The following MAGI2 variants were observed in gnomAD, a reference collection of about 807,000 sequenced individuals.
MAGI2 encodes membrane-associated guanylate kinase, WW and PDZ domain-containing protein 2.
Under a neutral mutation model 133.3 loss-of-function variants are expected in MAGI2, and 35 were observed. The ratio of observed to expected loss-of-function variants is 0.26; its 90% confidence interval spans 0.20 to 0.35. MAGI2 has a LOEUF of 0.35. MAGI2 is among the 10% of genes least tolerant of loss of function. The probability of loss-of-function intolerance (pLI) is 1.00; values close to 1 mark genes in which losing one functional copy is unlikely to be tolerated. For synonymous variants in MAGI2, 729 were observed against 710.6 expected (o/e 1.03, Z -0.41); for missense variants, 1,636 against 1,863.4 (o/e 0.88, Z 2.25).
intron 2 of MAGI2, among the ~76,000 whole-genome samples, chr7:78,768,360 T>A (rs1825236889): frequency 6.6e-6 from 1 of 152,238 alleles, no homozygotes; most frequent in Non-Finnish European, 1.5e-5. Flanking sequence ...GCACACCATG[T>A]ACCATAGTCA....
intron 2 of MAGI2, among the ~76,000 whole-genome samples, chr7:78,671,678 A>G (rs1471663878): frequency 6.6e-6 from 1 of 152,166 alleles, no homozygotes; most frequent in African/African-American, 2.4e-5. Context: ...TAAAGAAAGA[A>G]TTCTACAGGA....
intron 1 of MAGI2, among the ~76,000 whole-genome samples, chr7:79,406,197 G>A (rs978422721): frequency 6.6e-6 from 1 of 151,940 alleles, no homozygotes; most frequent in African/African-American, 2.4e-5. Flanking sequence ...TTTAAATAAA[G>A]ACAAAGTACA....
chr7:78,194,523 C>T (rs1381376654), intron 12 of MAGI2, among the ~76,000 whole-genome samples: 1 of 151,996 alleles, frequency 6.6e-6, no homozygotes, highest in Non-Finnish European at 1.5e-5. Flanking sequence ...GCTTTAGGCT[C>T]AAGATCAGAT....
Position 78,256,478 on chromosome 7 carries a change from C to T in MAGI2, c.1512G>A (p.Leu504=). ...GCAAAGGGTAGCCACGACACAACAC[C>T]AGGTTGACACTCTGACCAATAGGAA... The part of the protein sequence containing the change: ...QSVPIGQSVN[L]VLCRGYPLPF... The change falls in exon 10 of 22, where the codon CTG becomes CTA. Residue 504 remains leucine, a synonymous_variant. Transcript: ENST00000354212. 6.2e-7 allele frequency: 1 copy of T among 1,613,872 alleles called. No individual in the cohort carries two copies. Among genetic ancestry groups the T allele is most frequent in the Non-Finnish European group, 8.5e-7 (1 of 1,179,950 alleles).
chr7:79,273,007 T>C (rs1399060403), intron 1 of MAGI2, among the ~76,000 whole-genome samples: 2 of 152,112 alleles, frequency 1.3e-5, no homozygotes, highest in African/African-American at 4.8e-5. Flanking sequence ...AAAGTTCTTT[T>C]TCCAAATTTC....
At chr7:78,092,110 T>A (rs1817268238) in intron 20 of MAGI2, among the ~76,000 whole-genome samples, 1 of 152,238 alleles carries the variant, frequency 6.6e-6, no homozygotes, top group Non-Finnish European at 1.5e-5. Context: ...ACCAATGTCC[T>A]TGTGCCCAAT....
intron 21 of MAGI2, among the ~76,000 whole-genome samples, chr7:78,059,179 C>CAG (rs1812966275): frequency 6.6e-6 from 1 of 152,300 alleles, no homozygotes; most frequent in South Asian, 2.1e-4. Flanking sequence ...TTAACAACAG[C>CAG]AGAAGCCCAC....
At chr7:78,724,512 C>G (rs939881277) in intron 2 of MAGI2, among the ~76,000 whole-genome samples, 13 of 152,138 alleles carry the variant, frequency 8.5e-5, no homozygotes, top group African/African-American at 2.9e-4. Context: ...AGGGAGTTTA[C>G]AGAACCCAAC....
intron 1 of MAGI2, among the ~76,000 whole-genome samples, chr7:79,291,481 G>A (rs1232742320): frequency 6.6e-6 from 1 of 152,058 alleles, no homozygotes; most frequent in East Asian, 1.9e-4. Context: ...ATATTTTGAG[G>A]AAATGCTAAA....
intron 6 of MAGI2, among the ~76,000 whole-genome samples, chr7:78,375,241 A>T (rs1456406421): frequency 3.3e-5 from 5 of 152,098 alleles, no homozygotes; most frequent in Admixed American, 3.3e-4. Flanking sequence ...GCTCCCTAGA[A>T]AAACTGGGTA....
intron 2 of MAGI2, among the ~76,000 whole-genome samples, chr7:78,647,094 T>C (rs1408818483): frequency 2.0e-5 from 3 of 152,040 alleles, no homozygotes; most frequent in East Asian, 3.9e-4. Context: ...CATAAAAATA[T>C]TGTCATGCTA....
chr7:78,357,317 T>C (rs1792183643), intron 7 of MAGI2, among the ~76,000 whole-genome samples: 1 of 152,222 alleles, frequency 6.6e-6, no homozygotes, highest in South Asian at 2.1e-4. Context: ...ACAAAATGCC[T>C]AATACATACC....
intron 1 of MAGI2, among the ~76,000 whole-genome samples, chr7:79,104,110 A>G (rs1584937895): frequency 6.6e-6 from 1 of 152,344 alleles, no homozygotes; most frequent in African/African-American, 2.4e-5. Context: ...TTATAAGTGA[A>G]CAAAGGGATT....
At chr7:78,397,412 T>C (rs1002108684) in intron 6 of MAGI2, among the ~76,000 whole-genome samples, 47 of 150,090 alleles carry the variant, frequency 3.1e-4, no homozygotes, top group African/African-American at 8.6e-4. Flanking sequence ...TTGTCTTACA[T>C]TGCCCAAACC....
intron 16 of MAGI2, among the ~76,000 whole-genome samples, chr7:78,139,380 G>A (rs868379366): frequency 9.9e-5 from 15 of 152,138 alleles, no homozygotes; most frequent in Non-Finnish European, 1.5e-4. Context: ...CTCTGACAAG[G>A]GATGTGCTCA....
chr7:78,168,434 C>G (rs1355811024), intron 14 of MAGI2, among the ~76,000 whole-genome samples: 1 of 152,176 alleles, frequency 6.6e-6, no homozygotes, highest in Non-Finnish European at 1.5e-5. Flanking sequence ...TTTGAACATG[C>G]TGCAGACTGC....
chr7:78,446,092 GA>G (rs1187515996), intron 6 of MAGI2, among the ~76,000 whole-genome samples: 4 of 66,312 alleles, frequency 6.0e-5, no homozygotes, highest in African/African-American at 1.4e-4. Context: ...ACTTTTTAAA[GA>G]TTTTTTTTTA....
intron 15 of MAGI2, among the ~76,000 whole-genome samples, chr7:78,163,187 G>C (rs1056793237): frequency 1.3e-5 from 2 of 152,076 alleles, no homozygotes; most frequent in African/African-American, 2.4e-5. Context: ...GCCCAGGCTG[G>C]AGTGCAGTGG....
At chr7:78,067,811 G>A (rs1215322693) in intron 21 of MAGI2, among the ~76,000 whole-genome samples, 3 of 152,152 alleles carry the variant, frequency 2.0e-5, no homozygotes, top group African/African-American at 7.2e-5. Context: ...GGACATTGGG[G>A]CAATGCTAAC....
Sources: gnomAD v4.1 joint callset for allele counts (sites outside exome capture counted in the v4.1 genomes callset) on GRCh38, gnomAD v4.1.1 for gene constraint, MANE v1.5 for transcripts, NCBI Gene and HGNC (gene_info 2026-07-23, HGNC 2026-07-21) for gene names.